GABPB1: variants seen among roughly 807,000 people sequenced by gnomAD.
The protein encoded by GABPB1 is GA-binding protein subunit beta-1.
GABPB1 carries 15 observed loss-of-function variants against 45.9 expected under a neutral mutation model. The observed-to-expected ratio is 0.33, with a 90% CI of 0.22 to 0.50. The LOEUF (loss-of-function observed/expected upper bound fraction) is 0.50, where lower values mean the gene tolerates loss of function less well. Among genes scored for constraint, GABPB1 ranks in the 20% least tolerant of loss-of-function variants. GABPB1 has a pLI of 0.98. For synonymous variants in GABPB1, 143 were observed against 154.4 expected (o/e 0.93, Z 0.55); for missense variants, 252 against 457.5 (o/e 0.55, Z 4.10).
At chr15:50,322,545 CA>C (rs1343434219) in intron 1 of GABPB1, among the ~76,000 whole-genome samples, 1 of 148,764 alleles carries the variant, frequency 6.7e-6, no homozygotes, top group Non-Finnish European at 1.5e-5. Flanking sequence ...GACTCCATCT[CA>C]AAAAAAAAGA....
Position 50,278,569 on chromosome 15 carries a change from G to A in GABPB1, c.*63C>T. 1 of 1,407,290 alleles carries A rather than the reference G, an allele frequency of 7.1e-7. No individual in the cohort carries two copies. The highest frequency in any genetic ancestry group is 9.9e-7 in the Non-Finnish European group (1 of 1,012,310). The allele number at this position is 1,407,290 out of a possible 1,614,324, so 87.2% of individuals were successfully genotyped here. A position where few individuals can be genotyped will look rare whatever the true frequency, so the allele number is the denominator to read the frequency against. On this transcript the variant is annotated 3_prime_UTR_variant, in exon 9 of 9. Transcript: ENST00000380877. The stretch of plus-strand genomic sequence containing the variant: ...ATTCCCATGGCTGTACCTTTGTTGT[G>A]TACAGTTCAAGATTGTATTCTTTCT...
chr15:50,305,486 G>C (rs2046918141), intron 2 of GABPB1, among the ~76,000 whole-genome samples: 1 of 152,020 alleles, frequency 6.6e-6, no homozygotes, highest in Non-Finnish European at 1.5e-5. Context: ...AGAGTAGCTG[G>C]GACTACAGGC....
intron 1 of GABPB1, among the ~76,000 whole-genome samples, chr15:50,345,836 C>A (rs1176147411): frequency 6.6e-6 from 1 of 151,996 alleles, no homozygotes. Context: ...CTCAGCCTCC[C>A]GAGTAGCTGG....
At chr15:50,345,642 T>C (rs908123861) in intron 1 of GABPB1, among the ~76,000 whole-genome samples, 1 of 152,212 alleles carries the variant, frequency 6.6e-6, no homozygotes, top group Non-Finnish European at 1.5e-5. Context: ...AGCAGATAGC[T>C]AGAAAGAACA....
intron 1 of GABPB1, among the ~76,000 whole-genome samples, chr15:50,324,994 G>A (rs16963629): frequency 6.6e-6 from 1 of 152,182 alleles, no homozygotes; most frequent in East Asian, 1.9e-4. Flanking sequence ...CTTTTTAGAG[G>A]GCTGGCCCCA....
At chr15:50,354,883 G>C (rs982172562) in intron 1 of GABPB1, 102 bp downstream of exon 1, 1 of 221,192 alleles carries the variant, frequency 4.5e-6, no homozygotes, top group Admixed American at 6.4e-5. Flanking sequence ...GGAAATCGCG[G>C]GGATGATCTG....
In GABPB1 at chr15:50,277,281, A is replaced by G. The variant is rs2045851855; in HGVS notation, c.*1351T>C. ...ATATGTGAAAAAGATATTTAATTGC[A>G]AAATAGAAAAGTAGGCCAGAGTACA... On this transcript the variant is annotated 3_prime_UTR_variant, in exon 9 of 9. Transcript: ENST00000380877. 6.6e-6 allele frequency: 1 copy of G among 152,208 alleles called. No homozygotes were observed. The highest frequency in any genetic ancestry group is 1.5e-5 in the Non-Finnish European group (1 of 68,022). 9.4% of individuals were successfully genotyped at this position (152,208 alleles called of 1,614,324 possible).
Position 50,286,182 on chromosome 15 carries a change from T to C in GABPB1, c.885A>G (p.Val295=), listed in dbSNP as rs1167810705. ...IIVTMPDGQQ[V]LTVPATDIAE... Reference sequence around the variant, plus strand: ...CAATGTCTGTTGCTGGTACTGTTAATACTAAAATGAAAAAAAAATTATGTA... The same window carrying C: ...CAATGTCTGTTGCTGGTACTGTTAACACTAAAATGAAAAAAAAATTATGTA... Residue 295 remains valine (V), a splice_region_variant and synonymous_variant, in exon 8 of 9, where the codon GTA becomes GTG. Coordinates refer to ENST00000380877, the MANE Select transcript of GABPB1 (RefSeq NM_016654.5). 2 of 1,531,196 alleles carry C rather than the reference T, an allele frequency of 1.3e-6. No homozygotes were observed. The highest frequency in any genetic ancestry group is 2.8e-5 in the African/African-American group (2 of 71,532). The allele number at this position is 1,531,196 out of a possible 1,614,324, so 94.9% of individuals were successfully genotyped here. A position where few individuals can be genotyped will look rare whatever the true frequency, so the allele number is the denominator to read the frequency against.
chr15:50,293,231 G>C (rs985160891), intron 6 of GABPB1, among the ~76,000 whole-genome samples: 2 of 152,058 alleles, frequency 1.3e-5, no homozygotes, highest in Non-Finnish European at 2.9e-5. Context: ...GGATATCAGT[G>C]ATCACAGGAT....
At chr15:50,342,566 T>C (rs943948551) in intron 1 of GABPB1, among the ~76,000 whole-genome samples, 13 of 152,340 alleles carry the variant, frequency 8.5e-5, no homozygotes, top group Admixed American at 5.2e-4. Flanking sequence ...AAGTAGTTTG[T>C]AGTTCAGTGT....
At chr15:50,348,249 G>T (rs1232039290) in intron 1 of GABPB1, among the ~76,000 whole-genome samples, 2 of 151,976 alleles carry the variant, frequency 1.3e-5, no homozygotes, top group East Asian at 3.9e-4. Context: ...GGACCAACAG[G>T]AGTAGTTTTT....
intron 8 of GABPB1, among the ~76,000 whole-genome samples, chr15:50,284,837 T>C (rs1567475527): frequency 6.6e-6 from 1 of 152,186 alleles, no homozygotes; most frequent in Admixed American, 6.5e-5. Context: ...ACTGATACTA[T>C]TCAATGGAAA....
Position 50,311,953 on chromosome 15 carries a change from T to C in GABPB1, c.1-2155A>G, listed in dbSNP as rs560445280. Among the ~76,000 whole-genome samples the C allele has an allele frequency of 3.3e-5, 5 of 152,302 alleles. No homozygotes were observed. The East Asian group carries it at 9.7e-4, about 29-fold the overall frequency. On this transcript the variant is annotated intron_variant, in intron 1 of 8. Coordinates refer to ENST00000380877, the MANE Select transcript of GABPB1 (RefSeq NM_016654.5). ...GGACAGATACTAATACTTGGAGGCT[T>C]GCACAATAATTAGGTGAGATATACA...
chr15:50,343,978 A>G (rs188363615), intron 1 of GABPB1, among the ~76,000 whole-genome samples: 47 of 152,326 alleles, frequency 3.1e-4, no homozygotes, highest in African/African-American at 1.1e-3. Flanking sequence ...ACCACCTAAC[A>G]TCACGTATTT....
intron 1 of GABPB1, among the ~76,000 whole-genome samples, chr15:50,318,785 A>G (rs2047442116): frequency 6.6e-6 from 1 of 152,212 alleles, no homozygotes; most frequent in South Asian, 2.1e-4. Context: ...CGGATACAAG[A>G]AAACTAAGAA....
intron 1 of GABPB1, chr15:50,354,502 C>T (rs1018399876): frequency 6.7e-6 from 3 of 449,268 alleles, no homozygotes; most frequent in African/African-American, 2.1e-5. Context: ...CCGGCGGGGC[C>T]GTCAGGCTGC....
chr15:50,340,830 G>A (rs1412600813), intron 1 of GABPB1, among the ~76,000 whole-genome samples: 1 of 146,922 alleles, frequency 6.8e-6, no homozygotes, highest in East Asian at 2.0e-4. Context: ...CTTTGTAGGA[G>A]TGCAATATGT....
intron 1 of GABPB1, among the ~76,000 whole-genome samples, chr15:50,342,125 T>C (rs2048395326): frequency 6.6e-6 from 1 of 152,150 alleles, no homozygotes. Flanking sequence ...AGTCCTATTC[T>C]CCCTCCAAAC....
intron 1 of GABPB1, among the ~76,000 whole-genome samples, chr15:50,314,195 A>ATTTATT (rs1555511179): frequency 6.7e-6 from 1 of 149,638 alleles, no homozygotes; most frequent in African/African-American, 2.4e-5. Context: ...TTATTTATTT[A>ATTTATT]TTTTTTGAGA....
Sources: gnomAD v4.1 joint callset for allele counts (sites outside exome capture counted in the v4.1 genomes callset) on GRCh38, gnomAD v4.1.1 for gene constraint, MANE v1.5 for transcripts, NCBI Gene and HGNC (gene_info 2026-07-23, HGNC 2026-07-21) for gene names.